INO80D: variants seen among roughly 807,000 people sequenced by gnomAD.
The protein encoded by INO80D is INO80 complex subunit D.
A neutral mutation model predicts 87.6 loss-of-function variants in INO80D; 21 were observed. The observed-to-expected ratio is 0.24, with a 90% CI of 0.17 to 0.35. The LOEUF (loss-of-function observed/expected upper bound fraction) is 0.35, where lower values mean the gene tolerates loss of function less well. INO80D is among the 10% of genes least tolerant of loss of function. INO80D has a pLI of 1.00. For missense variants in INO80D, 982 were observed against 1,280.7 expected (o/e 0.77, Z 3.56); for synonymous variants, 440 against 491.0 (o/e 0.90, Z 1.37).
At chr2:206,059,304 C>T (rs1689621301) in intron 3 of INO80D, among the ~76,000 whole-genome samples, 1 of 151,984 alleles carries the variant, frequency 6.6e-6, no homozygotes, top group Admixed American at 6.6e-5. Flanking sequence ...TCCCTTGAAC[C>T]CATGAGGTAG....
At chr2:206,048,277 A>G (rs528607150) in intron 4 of INO80D, among the ~76,000 whole-genome samples, 6 of 152,206 alleles carry the variant, frequency 3.9e-5, no homozygotes, top group Non-Finnish European at 8.8e-5. Flanking sequence ...TCTGTTGCCC[A>G]GGTTGGAGTG....
At chr2:206,075,989 T>C (rs1690105421) in intron 1 of INO80D, among the ~76,000 whole-genome samples, 1 of 148,948 alleles carries the variant, frequency 6.7e-6, no homozygotes, top group Admixed American at 6.7e-5. Flanking sequence ...GAGGTGGAGG[T>C]TGCAGTAAGC....
chr2:206,056,143 C>T, intron 4 of INO80D, 55 bp downstream of exon 4: 1 of 1,496,150 alleles, frequency 6.7e-7, no homozygotes. Flanking sequence ...CTCCACACAA[C>T]CGAACACATT....
At chr2:206,064,139 T>C (rs1689755570) in intron 1 of INO80D, among the ~76,000 whole-genome samples, 1 of 152,226 alleles carries the variant, frequency 6.6e-6, no homozygotes, top group Admixed American at 6.5e-5. Context: ...ATTTCAAAGT[T>C]CTGCACCACA....
chr2:206,032,176 A>G (rs1688786272), intron 5 of INO80D, among the ~76,000 whole-genome samples: 1 of 152,186 alleles, frequency 6.6e-6, no homozygotes, highest in South Asian at 2.1e-4. Flanking sequence ...ACCTGGCGAG[A>G]AGCCTCCTGG....
intron 5 of INO80D, among the ~76,000 whole-genome samples, chr2:206,039,946 A>C (rs1469304683): frequency 6.6e-6 from 1 of 152,084 alleles, no homozygotes; most frequent in Non-Finnish European, 1.5e-5. Context: ...ATCTAACTCA[A>C]GAAAAAACAT....
In INO80D at chr2:206,022,773, G is replaced by T. The variant is rs180949029; in HGVS notation, c.1299-2928C>A. 2.5e-3 allele frequency among the ~76,000 whole-genome samples: 388 copies of T among 152,206 alleles called. 3 individuals are homozygous for T. The highest frequency in any genetic ancestry group is 2.5e-3 in the Non-Finnish European group (168 of 68,010). On this transcript the variant is annotated intron_variant, in intron 6 of 10. Coordinates refer to ENST00000403263, the MANE Select transcript of INO80D (RefSeq NM_017759.5). The stretch of plus-strand genomic sequence containing the variant: ...CTGTCACCCAGGCTGGAGTGCAATG[G>T]TGCAATCTCAGCTCACTGCAAGTTC...
At chr2:206,049,475 G>T (rs1327306014) in intron 4 of INO80D, among the ~76,000 whole-genome samples, 2 of 152,128 alleles carry the variant, frequency 1.3e-5, no homozygotes, top group Non-Finnish European at 2.9e-5. Flanking sequence ...TGTTTCAATA[G>T]AATAATTTCT....
intron 6 of INO80D, chr2:206,025,542 A>AAAAAAAAAATATATATATATAT (rs71301548): frequency 1.3e-5 from 1 of 76,934 alleles, no homozygotes; most frequent in African/African-American, 4.4e-5. Context: ...AAAAAAAAAA[A>AAAAAAAAAATATATATATATAT]ATATATATAT....
Position 205,996,098 on chromosome 2 carries a change from T to C in INO80D, c.*8270A>G, listed in dbSNP as rs1010374481. ...AAATTATTGAGCTAAAACTTTCAAA[T>C]TTGTTTTATTTGAAGGTTGGCTTTC... On this transcript the variant is annotated 3_prime_UTR_variant, in exon 11 of 11. Transcript: ENST00000403263. 2 of 152,106 alleles carry C rather than the reference T, an allele frequency of 1.3e-5. No homozygotes were observed. The highest frequency in any genetic ancestry group is 4.8e-5 in the African/African-American group (2 of 41,442). 9.4% of individuals were successfully genotyped at this position (152,106 alleles called of 1,614,324 possible).
Position 206,056,644 on chromosome 2 carries a change from T to C in INO80D, c.518A>G (p.Lys173Arg). Residue 173 changes from lysine to arginine, a missense_variant, in exon 4 of 11, where the codon AAG becomes AGG. Coordinates refer to ENST00000403263, the MANE Select transcript of INO80D (RefSeq NM_017759.5). ...CTGGCGCTGCCGATTCTGGGCCAAC[T>C]TGCTCTGCAACTTCTTTCTCACAGT... ...GATVRKKLQS[K>R]LAQNRQRQRE... 1 of 1,612,480 alleles carries C rather than the reference T, an allele frequency of 6.2e-7. No individual in the cohort carries two copies. The highest frequency in any genetic ancestry group is 8.5e-7 in the Non-Finnish European group (1 of 1,179,166).
chr2:206,079,490 C>T lies in INO80D; in HGVS notation c.-124+6411G>A, dbSNP rs140263195. Among the ~76,000 whole-genome samples the T allele has an allele frequency of 5.3e-5, 8 of 152,278 alleles. No individual in the cohort carries two copies. The East Asian group carries it at 1.5e-3, about 29-fold the overall frequency. On this transcript the variant is annotated intron_variant, in intron 1 of 10. Coordinates refer to ENST00000403263, the MANE Select transcript of INO80D (RefSeq NM_017759.5). ...TGTCTACTTCTACCATTTCAGCAGCCGTCTGTGAGGATGAGTCCCACATTT... is the reference window on the plus strand; with the variant it reads ...TGTCTACTTCTACCATTTCAGCAGCTGTCTGTGAGGATGAGTCCCACATTT...
At chr2:206,076,385 T>C (rs746970139) in intron 1 of INO80D, among the ~76,000 whole-genome samples, 4 of 152,218 alleles carry the variant, frequency 2.6e-5, no homozygotes, top group African/African-American at 4.8e-5. Flanking sequence ...TGAGTTTTAA[T>C]TCAACTTGAT....
intron 6 of INO80D, 68 bp downstream of exon 6, chr2:206,028,043 A>G: frequency 9.0e-7 from 1 of 1,114,818 alleles, no homozygotes; most frequent in Non-Finnish European, 1.3e-6. Flanking sequence ...TGCCTCAACT[A>G]TCCTCTCACA....
At chr2:206,080,327 C>T (rs902534361) in intron 1 of INO80D, among the ~76,000 whole-genome samples, 20 of 152,290 alleles carry the variant, frequency 1.3e-4, no homozygotes, top group Non-Finnish European at 2.5e-4. Flanking sequence ...CACAAAAACA[C>T]TTCAAAACCT....
At chr2:206,079,562 T>C (rs920277887) in intron 1 of INO80D, among the ~76,000 whole-genome samples, 6 of 152,338 alleles carry the variant, frequency 3.9e-5, no homozygotes, top group African/African-American at 1.4e-4. Flanking sequence ...AACATGCCTC[T>C]GCCACTGCTA....
intron 3 of INO80D, among the ~76,000 whole-genome samples, chr2:206,058,148 C>T (rs1406010051): frequency 6.6e-6 from 1 of 152,182 alleles, no homozygotes; most frequent in Non-Finnish European, 1.5e-5. Context: ...AGGCCGGGCA[C>T]AATGGCTCAT....
rs1218694959 is a variant in INO80D, at chr2:205,998,011, G to A, written c.*6357C>T. ...TAGTTCTATTTTAAAGTCACAGTGG[G>A]AATTCCTTAGTGAGGAGGGATAAAA... is the stretch of plus-strand genomic sequence containing the variant. On this transcript the variant is annotated 3_prime_UTR_variant, in exon 11 of 11. Coordinates refer to ENST00000403263, the MANE Select transcript of INO80D (RefSeq NM_017759.5). 6.6e-6 allele frequency: 1 copy of A among 152,146 alleles called. No homozygotes were observed. The highest frequency in any genetic ancestry group is 1.9e-4 in the East Asian group (1 of 5,202). 9.4% of individuals were successfully genotyped at this position (152,146 alleles called of 1,614,324 possible). A position where few individuals can be genotyped will look rare whatever the true frequency, so the allele number is the denominator to read the frequency against.
intron 7 of INO80D, among the ~76,000 whole-genome samples, chr2:206,018,088 G>A (rs868536784): frequency 2.0e-4 from 31 of 152,078 alleles, no homozygotes; most frequent in Middle Eastern, 3.2e-3. Context: ...GAAAAGCAGG[G>A]CCATTTCCTT....
Sources: gnomAD v4.1 joint callset for allele counts (sites outside exome capture counted in the v4.1 genomes callset) on GRCh38, gnomAD v4.1.1 for gene constraint, MANE v1.5 for transcripts, NCBI Gene and HGNC (gene_info 2026-07-23, HGNC 2026-07-21) for gene names.